The following LGI1 variants were observed in gnomAD, a reference collection of about 807,000 sequenced individuals.
LGI1 encodes leucine-rich glioma-inactivated protein 1.
A neutral mutation model predicts 57.7 loss-of-function variants in LGI1; 11 were observed. The ratio of observed to expected loss-of-function variants is 0.19; its 90% confidence interval spans 0.12 to 0.32. The LOEUF is 0.32. Ranked by LOEUF, LGI1 falls within the 10% of genes least tolerant of loss-of-function variation. The probability of loss-of-function intolerance (pLI) is 1.00; values close to 1 mark genes in which losing one functional copy is unlikely to be tolerated. For missense variants in LGI1, 422 were observed against 661.9 expected, an observed-to-expected ratio of 0.64 and a Z score of 3.98; for synonymous variants, 222 against 241.9, an observed-to-expected ratio of 0.92 and a Z score of 0.76.
At chr10:93,793,026 T>G in intron 6 of LGI1, 114 bp downstream of exon 6, 1 of 1,264,146 alleles carries the variant, frequency 7.9e-7, no homozygotes, top group African/African-American at 1.5e-5. Flanking sequence ...GCAACTTAAT[T>G]TTAAAAAAAT....
chr10:93,758,710 CTCTT>C lies in LGI1; in HGVS notation c.216-48_216-45del, dbSNP rs1564837019. 26 of 1,294,434 alleles carry C rather than the reference CTCTT, an allele frequency of 2.0e-5. No individual in the cohort carries two copies. The highest frequency in any genetic ancestry group is 2.8e-5 in the Non-Finnish European group (25 of 894,710). The allele number at this position is 1,294,434 out of a possible 1,614,324, so 80.2% of individuals were successfully genotyped here. On this transcript the variant is annotated intron_variant, in intron 1 of 7. Coordinates refer to ENST00000371418, the MANE Select transcript of LGI1 (RefSeq NM_005097.4). The surrounding 1 kb of genome is among the most constrained non-coding windows in gnomAD (Gnocchi z 4.7). ...TAAGGTTTGTTCTGTGTGTGTGTGT[CTCTT>C]TGTGTGTGTCTGTTTGTTTGTTTTC... is the stretch of plus-strand genomic sequence containing the variant.
At chr10:93,761,910 G>C (rs1425480698) in intron 2 of LGI1, among the ~76,000 whole-genome samples, 1 of 152,160 alleles carries the variant, frequency 6.6e-6, no homozygotes, top group Non-Finnish European at 1.5e-5. Context: ...GATAGAAAGT[G>C]GTACTTTTAG....
At chr10:93,783,644 T>G (rs914199135) in intron 4 of LGI1, among the ~76,000 whole-genome samples, 8 of 152,318 alleles carry the variant, frequency 5.3e-5, no homozygotes, top group Non-Finnish European at 7.3e-5. Flanking sequence ...GAGCATCCTC[T>G]GCTCTTTTCT....
At position 93,790,094 on chromosome 10, in the gene LGI1, T is replaced by TC. The variant is rs1554906720; in HGVS notation, c.432-3dup. On this transcript the variant is annotated splice_region_variant and splice_polypyrimidine_tract_variant and intron_variant, in intron 4 of 7. Coordinates refer to ENST00000371418, the MANE Select transcript of LGI1 (RefSeq NM_005097.4). Reference sequence around the variant, plus strand: ...TTTACATCACCTTTTTTTTTTTTTTTCCAGGAGCCTTGCAAACAACAATCT... The same window carrying TC: ...TTTACATCACCTTTTTTTTTTTTTTTCCCAGGAGCCTTGCAAACAACAATCT... The TC allele has an allele frequency of 4.4e-6, 7 of 1,602,478 alleles. No homozygotes were observed. In the African/African-American group the frequency reaches 6.7e-5, roughly 15 times the overall value.
At position 93,786,037 on chromosome 10, in the gene LGI1, G is replaced by T. The variant is rs2059891495; in HGVS notation, c.432-4062G>T. Reference sequence around the variant, plus strand: ...AGCCCTCAGATGCCCATGATGATTTGTGGAGGCAACAGGCCCTCATCACAG... The same window carrying T: ...AGCCCTCAGATGCCCATGATGATTTTTGGAGGCAACAGGCCCTCATCACAG... On this transcript the variant is annotated intron_variant, in intron 4 of 7. Coordinates refer to ENST00000371418, the MANE Select transcript of LGI1 (RefSeq NM_005097.4). 4.3e-5 allele frequency among the ~76,000 whole-genome samples: 2 copies of T among 45,978 alleles called. 1 individual carries two copies. 30.2% of individuals were successfully genotyped at this position (45,978 alleles called of 152,430 possible). A position where few individuals can be genotyped will look rare whatever the true frequency, so the allele number is the denominator to read the frequency against.
Position 93,758,240 on chromosome 10 carries a change from T to C in LGI1, c.96T>C (p.Thr32=), listed in dbSNP as rs763640706. ...FLCLLSALLL[T]EGKKPAKPKC... Reference sequence around the variant, plus strand: ...GTCTCTTATCTGCGCTTTTGCTGACTGAGGGGAAGAAACCAGCGAAGCCAA... The same window carrying C: ...GTCTCTTATCTGCGCTTTTGCTGACCGAGGGGAAGAAACCAGCGAAGCCAA... Residue 32 remains threonine (T), a synonymous_variant, in exon 1 of 8, where the codon ACT becomes ACC. Coordinates refer to ENST00000371418, the MANE Select transcript of LGI1 (RefSeq NM_005097.4). This position sits in a 1 kb window ranked among gnomAD's most constrained non-coding sequence, Gnocchi z 4.7. 13 of 1,614,060 alleles carry C rather than the reference T, an allele frequency of 8.1e-6. No homozygotes were observed. Among genetic ancestry groups the C allele is most frequent in the African/African-American group, 2.7e-5 (2 of 74,918 alleles).
rs575123028 is a variant in LGI1, at chr10:93,786,885, T to C, written c.432-3214T>C. On this transcript the variant is annotated intron_variant, in intron 4 of 7. Coordinates refer to ENST00000371418, the MANE Select transcript of LGI1 (RefSeq NM_005097.4). ...CTGGGATTACGGGCGTGAGCCACCA[T>C]GCCCTGGCAACCTGTTACATTTTTT... is the stretch of plus-strand genomic sequence containing the variant. 2.0e-5 allele frequency among the ~76,000 whole-genome samples: 3 copies of C among 152,340 alleles called. No individual in the cohort carries two copies. The South Asian group carries it at 6.2e-4, about 32-fold the overall frequency.
At position 93,758,741 on chromosome 10, in the gene LGI1, C is replaced by CT. The variant is rs777798623; in HGVS notation, c.216-13dup. 6.3e-7 allele frequency: 1 copy of CT among 1,592,216 alleles called. No homozygotes were observed. Among genetic ancestry groups the CT allele is most frequent in the Admixed American group, 1.7e-5 (1 of 59,952 alleles). On this transcript the variant is annotated intron_variant, in intron 1 of 7. Transcript: ENST00000371418. This position sits in a 1 kb window ranked among gnomAD's most constrained non-coding sequence, Gnocchi z 4.7. ...GTGTGTGTCTGTTTGTTTGTTTTCTCTTTTTTGTTTTCTTTCAGATCCTTT... is the reference window on the plus strand; with the variant it reads ...GTGTGTGTCTGTTTGTTTGTTTTCTCTTTTTTTGTTTTCTTTCAGATCCTTT...
intron 3 of LGI1, 37 bp downstream of exon 3, chr10:93,777,487 G>A (rs1205730426): frequency 1.2e-6 from 2 of 1,606,770 alleles, no homozygotes; most frequent in Middle Eastern, 3.3e-4. Context: ...TGATGATTCA[G>A]GACAAGTACT....
intron 2 of LGI1, among the ~76,000 whole-genome samples, chr10:93,776,455 C>G (rs2019133): frequency 0.58 from 87,547 of 151,860 alleles, 25,358 homozygotes; most frequent in Middle Eastern, 0.63. Flanking sequence ...TAAATGTTCA[C>G]AAAGTGAGAT....
rs1311562883 is a variant in LGI1, at chr10:93,762,038, AC to A, written c.287+3208del. Among the ~76,000 whole-genome samples the A allele has an allele frequency of 2.6e-5, 4 of 152,222 alleles. No individual in the cohort carries two copies. The East Asian group carries it at 7.7e-4, about 29-fold the overall frequency. On this transcript the variant is annotated intron_variant, in intron 2 of 7. Transcript: ENST00000371418. ...GGAAGTGAAATTCAAATTTAAGAGG[AC>A]AAAATGTGGCCACTTCGCCACCCAC...
At chr10:93,796,934 C>T (rs1442131310) in intron 7 of LGI1, 34 bp from the exon 8 acceptor site, 2 of 1,530,778 alleles carry the variant, frequency 1.3e-6, no homozygotes, top group Middle Eastern at 1.7e-4. Flanking sequence ...AAGAGGATGG[C>T]CACACAACTA....
At chr10:93,785,393 T>G (rs74958224) in intron 4 of LGI1, among the ~76,000 whole-genome samples, 3,940 of 152,334 alleles carry the variant, frequency 0.026, 46 homozygotes, top group Middle Eastern at 0.071. Flanking sequence ...GTGTTAATTC[T>G]CACAATAAGT....
At chr10:93,772,395 T>C (rs80027493) in intron 2 of LGI1, among the ~76,000 whole-genome samples, 2,729 of 152,122 alleles carry the variant, frequency 0.018, 85 homozygotes, top group African/African-American at 0.062. Flanking sequence ...AGGAAATAAG[T>C]AGAGATAGGA....
At chr10:93,775,681 G>A (rs1287555117) in intron 2 of LGI1, among the ~76,000 whole-genome samples, 2 of 152,176 alleles carry the variant, frequency 1.3e-5, no homozygotes, top group East Asian at 1.9e-4. Flanking sequence ...TTCCCGTGAC[G>A]TGCATGGGCA....
intron 2 of LGI1, chr10:93,768,685 G>A (rs10509665): frequency 0.59 from 89,143 of 151,970 alleles, 26,191 homozygotes; most frequent in Middle Eastern, 0.64. Flanking sequence ...GTCCATGCTC[G>A]AATGTTTGCT....
intron 7 of LGI1, among the ~76,000 whole-genome samples, chr10:93,795,721 C>A (rs1241332616): frequency 6.6e-6 from 1 of 152,198 alleles, no homozygotes; most frequent in Non-Finnish European, 1.5e-5. Context: ...GTTCCCCAGA[C>A]AATCACACGC....
At chr10:93,765,178 A>G (rs574717202) in intron 2 of LGI1, 5 of 152,232 alleles carry the variant, frequency 3.3e-5, no homozygotes, top group African/African-American at 9.6e-5. Flanking sequence ...TTTGGCCACT[A>G]TTGGGCTGCG....
Position 93,758,432 on chromosome 10 carries a change from T to G in LGI1, c.215+73T>G. On this transcript the variant is annotated intron_variant, in intron 1 of 7. Transcript: ENST00000371418. The surrounding 1 kb of genome is among the most constrained non-coding windows in gnomAD (Gnocchi z 4.7). ...CAGCCGGTGGATTTGGGGCTTTGCA[T>G]GTATTTGTAGAAGGGCATGGAGAGA... The G allele has an allele frequency of 7.1e-7, 1 of 1,414,848 alleles. No individual in the cohort carries two copies. Among genetic ancestry groups the G allele is most frequent in the Non-Finnish European group, 1.0e-6 (1 of 1,003,536 alleles). The allele number at this position is 1,414,848 out of a possible 1,614,324, so 87.6% of individuals were successfully genotyped here. A position where few individuals can be genotyped will look rare whatever the true frequency, so the allele number is the denominator to read the frequency against.
Sources: allele counts gnomAD v4.1 joint callset (sites outside exome capture counted in the v4.1 genomes callset), GRCh38; gene constraint gnomAD v4.1.1; non-coding constraint Gnocchi (gnomAD v3.1); transcripts MANE v1.5; gene names NCBI Gene and HGNC (gene_info 2026-07-23, HGNC 2026-07-21).